TTC29: variants seen among roughly 807,000 people sequenced by gnomAD.
TTC29 encodes tetratricopeptide repeat domain 29.
Under a neutral mutation model 58.1 loss-of-function variants are expected in TTC29, and 49 were observed. That is an observed-to-expected ratio of 0.84 (90% CI 0.67 to 1.07). The LOEUF (loss-of-function observed/expected upper bound fraction) is 1.07, where lower values mean the gene tolerates loss of function less well. Among genes scored for constraint, TTC29 ranks in the 50% least tolerant of loss-of-function variants. The pLI, the probability that TTC29 is intolerant of heterozygous loss-of-function variation, is 0.00. For synonymous variants in TTC29, 209 were observed against 196.8 expected (o/e 1.06, Z -0.52); for missense variants, 582 against 555.6 (o/e 1.05, Z -0.48).
chr4:146,770,936 GA>G (rs1747678093), intron 11 of TTC29, among the ~76,000 whole-genome samples: 1 of 152,058 alleles, frequency 6.6e-6, no homozygotes, highest in Non-Finnish European at 1.5e-5. Context: ...GAAACTGCAT[GA>G]AAATTGCTTA....
intron 6 of TTC29, among the ~76,000 whole-genome samples, chr4:146,882,475 A>G (rs552207478): frequency 6.6e-6 from 1 of 150,948 alleles, no homozygotes; most frequent in African/African-American, 2.5e-5. Flanking sequence ...AAATTGTTTT[A>G]CTTTAATGTT....
At chr4:146,942,743 C>T in intron 2 of TTC29, 1 of 843,090 alleles carries the variant, frequency 1.2e-6, no homozygotes, top group South Asian at 2.1e-5. Flanking sequence ...TTGGGGCATT[C>T]CATCCTCTAT....
chr4:146,779,010 A>G (rs1188009886), intron 11 of TTC29, among the ~76,000 whole-genome samples: 2 of 147,576 alleles, frequency 1.4e-5, no homozygotes, highest in Non-Finnish European at 3.0e-5. Flanking sequence ...AAAAGAAAAG[A>G]AAAGAAAAAG....
At chr4:146,895,124 C>T (rs1017719737) in intron 6 of TTC29, among the ~76,000 whole-genome samples, 1 of 152,202 alleles carries the variant, frequency 6.6e-6, no homozygotes, top group Non-Finnish European at 1.5e-5. Flanking sequence ...TGACTTCCAA[C>T]TCTATCTATG....
chr4:146,708,658 C>G (rs1193101831), intron 11 of TTC29, among the ~76,000 whole-genome samples: 1 of 151,366 alleles, frequency 6.6e-6, no homozygotes, highest in Non-Finnish European at 1.5e-5. Flanking sequence ...TATGACAGGC[C>G]CCAGTTTTCA....
intron 8 of TTC29, among the ~76,000 whole-genome samples, chr4:146,866,753 A>G (rs1730587293): frequency 6.6e-6 from 1 of 152,162 alleles, no homozygotes; most frequent in Non-Finnish European, 1.5e-5. Context: ...TCTACTTAGC[A>G]AAAAATATCT....
At chr4:146,885,820 A>C (rs1156428741) in intron 6 of TTC29, among the ~76,000 whole-genome samples, 2 of 152,132 alleles carry the variant, frequency 1.3e-5, no homozygotes, top group Non-Finnish European at 2.9e-5. Context: ...CATCATGAGC[A>C]GCAATACACA....
chr4:146,911,447 A>G (rs1343648072), intron 4 of TTC29, among the ~76,000 whole-genome samples: 1 of 152,224 alleles, frequency 6.6e-6, no homozygotes, highest in East Asian at 1.9e-4. Flanking sequence ...AGCTCATAGA[A>G]CAAAGACGGA....
intron 10 of TTC29, among the ~76,000 whole-genome samples, chr4:146,817,728 A>G (rs1457107453): frequency 6.6e-6 from 1 of 152,212 alleles, no homozygotes; most frequent in Non-Finnish European, 1.5e-5. Context: ...CTTGTACCAA[A>G]ACAGAGATAT....
intron 9 of TTC29, among the ~76,000 whole-genome samples, chr4:146,827,722 G>A (rs560925630): frequency 1.3e-5 from 2 of 152,214 alleles, no homozygotes; most frequent in East Asian, 1.9e-4. Context: ...CATGTAGTAG[G>A]GATTCAATAA....
In TTC29 at chr4:146,763,640, A is replaced by C. The variant is rs527599110; in HGVS notation, c.1330+39817T>G. On this transcript the variant is annotated intron_variant, in intron 11 of 12. Transcript: ENST00000325106. ...AATAATGTTCAGATAGATTTAGTTA[A>C]ATATCACATTTTCAGAAAAAGATAT... 3.9e-5 allele frequency among the ~76,000 whole-genome samples: 6 copies of C among 152,270 alleles called. No homozygotes were observed. In the East Asian group the frequency reaches 5.8e-4, roughly 15 times the overall value.
chr4:146,726,935 A>T lies in TTC29; in HGVS notation c.1331-19384T>A, dbSNP rs7663020. ...TGATTCTTGCACGTGGTACATTTTT[A>T]AAAAAGGGTAGACAGTGAAAAATCT... On this transcript the variant is annotated intron_variant, in intron 11 of 12. Transcript: ENST00000325106. 2.4e-3 allele frequency among the ~76,000 whole-genome samples: 369 copies of T among 152,216 alleles called. 2 individuals are homozygous for T. Among genetic ancestry groups the T allele is most frequent in the African/African-American group, 8.4e-3 (349 of 41,566 alleles).
chr4:146,781,880 G>T (rs902211227), intron 11 of TTC29, among the ~76,000 whole-genome samples: 1 of 151,696 alleles, frequency 6.6e-6, no homozygotes, highest in African/African-American at 2.4e-5. Flanking sequence ...AGAAATCAGT[G>T]GTAGAGTAAA....
intron 6 of TTC29, among the ~76,000 whole-genome samples, chr4:146,882,733 G>A (rs933160928): frequency 6.6e-6 from 1 of 152,108 alleles, no homozygotes; most frequent in Admixed American, 6.6e-5. Context: ...TATCAGTATT[G>A]ATTATTGAAG....
intron 6 of TTC29, among the ~76,000 whole-genome samples, chr4:146,900,741 G>C (rs1488359629): frequency 6.6e-6 from 1 of 152,176 alleles, no homozygotes; most frequent in Non-Finnish European, 1.5e-5. Context: ...GTTTTGCAAG[G>C]TGAGAAAATT....
intron 7 of TTC29, among the ~76,000 whole-genome samples, chr4:146,874,172 T>C (rs1349229141): frequency 3.3e-5 from 5 of 152,160 alleles, no homozygotes; most frequent in African/African-American, 1.2e-4. Flanking sequence ...AGGATCCTGC[T>C]GCAGTAGGTC....
At chr4:146,769,803 C>G (rs533434650) in intron 11 of TTC29, among the ~76,000 whole-genome samples, 1 of 152,100 alleles carries the variant, frequency 6.6e-6, no homozygotes, top group African/African-American at 2.4e-5. Flanking sequence ...CAGTTGCTTT[C>G]ACTGTTTCTA....
chr4:146,798,755 C>T (rs777485301), intron 11 of TTC29, among the ~76,000 whole-genome samples: 11 of 151,378 alleles, frequency 7.3e-5, no homozygotes, highest in Non-Finnish European at 8.9e-5. Context: ...GGTATTGGGG[C>T]GGGCACCTGT....
At chr4:146,773,311 T>C (rs1295304395) in intron 11 of TTC29, among the ~76,000 whole-genome samples, 1 of 152,154 alleles carries the variant, frequency 6.6e-6, no homozygotes, top group Non-Finnish European at 1.5e-5. Flanking sequence ...TCAAAACCAA[T>C]GCTTCCAGCT....
Sources: allele counts gnomAD v4.1 joint callset (sites outside exome capture counted in the v4.1 genomes callset), GRCh38; gene constraint gnomAD v4.1.1; transcripts MANE v1.5; gene names NCBI Gene and HGNC (gene_info 2026-07-23, HGNC 2026-07-21).